TTN: variants seen among roughly 807,000 people sequenced by gnomAD.
TTN encodes the protein connectin.
A neutral mutation model predicts 3,223.0 loss-of-function variants in TTN; 1,525 were observed. That is an observed-to-expected ratio of 0.47 (90% confidence interval 0.45 to 0.49). TTN has a LOEUF of 0.49. Among genes scored for constraint, TTN ranks in the 20% least tolerant of loss-of-function variants. TTN has a pLI of 0.00. For missense variants in TTN, 40,786 were observed against 43,424.0 expected (o/e 0.94, Z 5.40); for synonymous variants, 14,094 against 15,161.0 (o/e 0.93, Z 5.17).
rs2154137160 is a variant in TTN, at chr2:178,536,037, G to T, written c.100710C>A (p.Val33570=). ...CAGATCCCCCTTGGTTGGTAGCTCT[G>T]ACTTGGTAAACTGTGGCATCATCAT... is the stretch of plus-strand genomic sequence containing the variant. ...VTDDDATVYQ[V]RATNQGGSVS... The change falls in exon 357 of 363, where the codon GTC becomes GTA. Residue 33570 remains valine (V), a synonymous_variant. Transcript: ENST00000589042. 6.3e-7 allele frequency: 1 copy of T among 1,585,764 alleles called. No homozygotes were observed. Among genetic ancestry groups the T allele is most frequent in the South Asian group, 1.2e-5 (1 of 86,080 alleles).
In TTN at chr2:178,775,959, C is replaced by A. The variant is rs1308443613; in HGVS notation, c.5905G>T (p.Asp1969Tyr). The change falls in exon 28 of 363, where the codon GAC (aspartate) becomes TAC (tyrosine). Residue 1969 changes from aspartate to tyrosine, a missense_variant. Physicochemically the swap from Asp to Tyr is radical, Grantham distance 160. Coordinates refer to ENST00000589042, the MANE Select transcript of TTN (RefSeq NM_001267550.2). Reference sequence around the variant, plus strand: ...ACAACTTCTTTGGTTTCAGTGGTGTCAACAGGTCTATCCACTTTTTGTACT... The same window carrying A: ...ACAACTTCTTTGGTTTCAGTGGTGTAAACAGGTCTATCCACTTTTTGTACT... The part of the protein sequence containing the change: ...FEVQKVDRPV[D>Y]TTETKEVVKL... 3.7e-6 allele frequency: 6 copies of A among 1,614,144 alleles called. No homozygotes were observed. The highest frequency in any genetic ancestry group is 5.1e-6 in the Non-Finnish European group (6 of 1,179,996).
At position 178,604,150 on chromosome 2, in the gene TTN, G is replaced by A; in HGVS notation, c.54537C>T (p.Thr18179=). Residue 18179 remains threonine, a synonymous_variant, in exon 282 of 363, where the codon ACC becomes ACT. Transcript: ENST00000589042. ...TCCAGCTCACTAGCATTGATCCTTT[G>A]GTGCGTGCCAAAACTTTTGGTTTTC... The part of the protein sequence containing the change: ...PPGKPKVLAR[T]KGSMLVSWTP... The A allele has an allele frequency of 1.2e-6, 2 of 1,612,300 alleles. No individual in the cohort carries two copies. The highest frequency in any genetic ancestry group is 1.7e-6 in the Non-Finnish European group (2 of 1,178,950).
Position 178,718,690 on chromosome 2 carries a change from C to T in TTN, c.24505+5G>A, listed in dbSNP as rs1348496378. The T allele has an allele frequency of 6.2e-7, 1 of 1,612,698 alleles. No individual in the cohort carries two copies. On this transcript the variant is annotated splice_donor_5th_base_variant and intron_variant, in intron 84 of 362. Coordinates refer to ENST00000589042, the MANE Select transcript of TTN (RefSeq NM_001267550.2). The stretch of plus-strand genomic sequence containing the variant: ...AAGATGTATATATTGGGGGAAAGAG[C>T]AAACCTTTCACAAAAAGATGTGTGG...
intron 330 of TTN, 166 bp downstream of exon 330, chr2:178,556,681 AG>A: frequency 1.4e-6 from 1 of 725,910 alleles, no homozygotes; most frequent in Non-Finnish European, 2.2e-6. Context: ...AGGGCTGGAA[AG>A]GTATTTAAGG....
rs1314442289 is a variant in TTN at position 178,692,060 on chromosome 2, T to C, written c.31718A>G (p.Lys10573Arg). 6.2e-7 allele frequency: 1 copy of C among 1,613,264 alleles called. No individual in the cohort carries two copies. Among genetic ancestry groups the C allele is most frequent in the South Asian group, 1.1e-5 (1 of 90,992 alleles). Reference protein sequence around the residue: ...VPKKPVPEEKKPVPVPKKEPA... With the variant: ...VPKKPVPEEKRPVPVPKKEPA... ...TTCCTTCTTAGGCACAGGAACTGGC[T>C]TTTTCTCCTCTGGCACGGGTTTCTT... Residue 10573 changes from lysine to arginine, a missense_variant, in exon 121 of 363, where the codon AAG becomes AGG. Physicochemically the swap from Lys to Arg is conservative, Grantham distance 26. Transcript: ENST00000589042.
Position 178,620,564 on chromosome 2 carries a change from G to A in TTN, c.45957C>T (p.Val15319=). Reference sequence around the variant, plus strand: ...GACGATTCACCTTGCACCAGAATGTGACAGATTTCTTCTCCATTGTTTCAA... The same window carrying A: ...GACGATTCACCTTGCACCAGAATGTAACAGATTTCTTCTCCATTGTTTCAA... ...KDIETMEKKS[V]TFWCKVNRLN... Residue 15319 remains valine, a synonymous_variant, in exon 248 of 363, where the codon GTC becomes GTT. Transcript: ENST00000589042. 1 of 1,611,696 alleles carries A rather than the reference G, an allele frequency of 6.2e-7. No homozygotes were observed. Among genetic ancestry groups the A allele is most frequent in the Non-Finnish European group, 8.5e-7 (1 of 1,178,764 alleles).
rs148231754 is a variant in TTN, at chr2:178,557,248, C to T, written c.88009+5G>A. 8.1e-6 allele frequency: 13 copies of T among 1,613,764 alleles called. No individual in the cohort carries two copies. The highest frequency in any genetic ancestry group is 6.7e-5 in the East Asian group (3 of 44,774). On this transcript the variant is annotated splice_donor_5th_base_variant and intron_variant, in intron 329 of 362. Coordinates refer to ENST00000589042, the MANE Select transcript of TTN (RefSeq NM_001267550.2). ...AGAACTGCCCTTCCCATGACAAATA[C>T]GTACCACAAGCATCAATTGCCAAGA... is the stretch of plus-strand genomic sequence containing the variant.
chr2:178,615,985 C>G (rs2057263636), intron 257 of TTN, among the ~76,000 whole-genome samples, 197 bp from the exon 258 acceptor site: 1 of 151,870 alleles, frequency 6.6e-6, no homozygotes, highest in African/African-American at 2.4e-5. Context: ...AAAACTGCTT[C>G]ATAGTTTGTA....
chr2:178,672,572 A>C, intron 153 of TTN, 63 bp downstream of exon 153: 1 of 1,604,120 alleles, frequency 6.2e-7, no homozygotes, highest in Non-Finnish European at 8.5e-7. Flanking sequence ...CAGAGACATG[A>C]AACATAAAAG....
chr2:178,644,939 A>C (rs982799404), intron 217 of TTN: 8 of 239,604 alleles, frequency 3.3e-5, no homozygotes, highest in African/African-American at 1.9e-4. Context: ...ATGGAGTGTC[A>C]ATTAACAGAT....
In TTN at chr2:178,530,312, T is replaced by C. The variant is rs1159073681; in HGVS notation, c.106303A>G (p.Ser35435Gly). 6.2e-7 allele frequency: 1 copy of C among 1,613,904 alleles called. No individual in the cohort carries two copies. Residue 35435 changes from serine (S) to glycine (G), a missense_variant, in exon 358 of 363, where the codon AGT (serine) becomes GGT (glycine). Coordinates refer to ENST00000589042, the MANE Select transcript of TTN (RefSeq NM_001267550.2). ...GLQDTTVSSDSVAKFAVKATG... is the reference protein window; with the variant it reads ...GLQDTTVSSDGVAKFAVKATG... ...GCCTTAACTGCAAATTTAGCAACAC[T>C]GTCTGAAGAAACAGTTGTATCCTGC...
chr2:178,725,303 C>G (rs1471840196), intron 71 of TTN, 65 bp downstream of exon 71: 4 of 1,389,976 alleles, frequency 2.9e-6, no homozygotes, highest in Admixed American at 3.2e-5. Context: ...AAGAATCTGC[C>G]AGTAACTCTT....
chr2:178,589,463 CCAGT>C lies in TTN; in HGVS notation c.62258_62261del (p.Asp20753GlyfsTer2). ...TCACAACAACTTCCTCTGTCTTCAC[CCAGT>C]CACTTTCCCCACCTTCATTCTTTGT... On this transcript the variant is annotated frameshift_variant, in exon 304 of 363. Transcript: ENST00000589042. LOFTEE classifies it high-confidence loss of function. The C allele has an allele frequency of 6.2e-7, 1 of 1,613,360 alleles. No individual in the cohort carries two copies. Among genetic ancestry groups the C allele is most frequent in the Non-Finnish European group, 8.5e-7 (1 of 1,179,616 alleles).
At chr2:178,601,835 A>G (rs767024730) in intron 285 of TTN, 47 bp downstream of exon 285, 1 of 1,606,444 alleles carries the variant, frequency 6.2e-7, no homozygotes, top group African/African-American at 1.3e-5. Flanking sequence ...TCATAGCAAT[A>G]TTGAAGTCAA....
Position 178,536,291 on chromosome 2 carries a change from T to C in TTN, c.100456A>G (p.Thr33486Ala), listed in dbSNP as rs1457955495. ...TGAATTGGGACATCAGATTTGGGAGTGATGGGTTCTGATATTTCACTCCAT... is the reference window on the plus strand; with the variant it reads ...TGAATTGGGACATCAGATTTGGGAGCGATGGGTTCTGATATTTCACTCCAT... Reference protein sequence around the residue: ...SEWSEISEPITPKSDVPIQAP... With the variant: ...SEWSEISEPIAPKSDVPIQAP... Residue 33486 changes from threonine (T) to alanine (A), a missense_variant, in exon 357 of 363, where the codon ACT (threonine) becomes GCT (alanine). Physicochemically the swap from Thr to Ala is moderately conservative, Grantham distance 58. Transcript: ENST00000589042. 1.9e-6 allele frequency: 3 copies of C among 1,613,638 alleles called. No homozygotes were observed. Among genetic ancestry groups the C allele is most frequent in the Non-Finnish European group, 2.5e-6 (3 of 1,179,748 alleles).
intron 46 of TTN, among the ~76,000 whole-genome samples, chr2:178,754,318 C>T (rs1231418941): frequency 6.6e-6 from 1 of 152,006 alleles, no homozygotes; most frequent in African/African-American, 2.4e-5. Context: ...GACAACTGTG[C>T]CTGATCTTTC....
rs775733174 is a variant in TTN at position 178,563,529 on chromosome 2, T to C, written c.82603A>G (p.Thr27535Ala). 1.2e-6 allele frequency: 2 copies of C among 1,613,782 alleles called. No homozygotes were observed. Among genetic ancestry groups the C allele is most frequent in the South Asian group, 1.1e-5 (1 of 91,086 alleles). The part of the protein sequence containing the change: ...TDLRLRVTGL[T>A]EGHSYEFRVA... Reference sequence around the variant, plus strand: ...CTGAATTCATAGGAATGGCCTTCGGTAAGACCAGTTACCCTGAGCCGCAGA... The same window carrying C: ...CTGAATTCATAGGAATGGCCTTCGGCAAGACCAGTTACCCTGAGCCGCAGA... Residue 27535 changes from threonine to alanine, a missense_variant, in exon 326 of 363, where the codon ACC becomes GCC. Transcript: ENST00000589042. This position sits in a 1 kb window ranked among gnomAD's most constrained non-coding sequence, Gnocchi z 4.5.
chr2:178,790,201 C>A, intron 11 of TTN, 86 bp from the exon 12 acceptor site: 1 of 1,444,388 alleles, frequency 6.9e-7, no homozygotes, highest in Non-Finnish European at 9.3e-7. Context: ...AGAAAGGAGG[C>A]AAAATTTCTT....
chr2:178,609,205 C>CA lies in TTN; in HGVS notation c.52102+2dup. On this transcript the variant is annotated splice_region_variant and intron_variant, in intron 273 of 362. Transcript: ENST00000589042. ...ATTGGAAAGTGTAGTTTTAATGACT[C>CA]ACCTAACACACTGACAGTACAAGGA... 1 of 1,499,674 alleles carries CA rather than the reference C, an allele frequency of 6.7e-7. No homozygotes were observed. Among genetic ancestry groups the CA allele is most frequent in the Admixed American group, 2.5e-5 (1 of 39,580 alleles). The allele number at this position is 1,499,674 out of a possible 1,614,324, so 92.9% of individuals were successfully genotyped here. A position where few individuals can be genotyped will look rare whatever the true frequency, so the allele number is the denominator to read the frequency against.
Sources: gnomAD v4.1 joint callset for allele counts (sites outside exome capture counted in the v4.1 genomes callset) on GRCh38, gnomAD v4.1.1 for gene constraint, Gnocchi (gnomAD v3.1) non-coding constraint, MANE v1.5 for transcripts, NCBI Gene and HGNC (gene_info 2026-07-23, HGNC 2026-07-21) for gene names.